The following PLP1 variants were observed in gnomAD, a reference collection of about 807,000 sequenced individuals.
PLP1 encodes proteolipid protein 1, also known as myelin proteolipid protein.
In PLP1, 2 loss-of-function variants were observed where a neutral mutation model predicts 18.5. The ratio of observed to expected loss-of-function variants is 0.11; its 90% confidence interval spans 0.04 to 0.34. The LOEUF is 0.34. PLP1 is among the 10% of genes least tolerant of loss of function. PLP1 has a pLI of 1.00. For missense variants in PLP1, 105 were observed against 207.3 expected (o/e 0.51, Z 3.03); for synonymous variants, 86 against 83.2 (o/e 1.03, Z -0.19).
rs763892975 is a variant in PLP1 at position 103,786,555 on chromosome X, C to T, written c.282C>T (p.Thr94=). 3 of 1,211,484 alleles carry T rather than the reference C, an allele frequency of 2.5e-6. No individual in the cohort carries two copies. The highest frequency in any genetic ancestry group is 2.2e-5 in the Admixed American group (1 of 46,020). Residue 94 remains threonine (T), a synonymous_variant, in exon 3 of 7, where the codon ACC becomes ACT. Transcript: ENST00000621218. Reference sequence around the variant, plus strand: ...TGCTGGCTGAGGGCTTCTACACCACCGGCGCAGTCAGGCAGATCTTTGGCG... The same window carrying T: ...TGCTGGCTGAGGGCTTCTACACCACTGGCGCAGTCAGGCAGATCTTTGGCG... ...ALLLAEGFYT[T]GAVRQIFGDY... is the part of the protein sequence containing the mutation.
At position 103,789,318 on chromosome X, in the gene PLP1, T is replaced by C. The variant is rs1483293127; in HGVS notation, c.697-15T>C. The C allele has an allele frequency of 9.3e-6, 11 of 1,182,897 alleles. No homozygotes were observed. Among genetic ancestry groups the C allele is most frequent in the Non-Finnish European group, 1.2e-5 (10 of 868,743 alleles). On this transcript the variant is annotated splice_polypyrimidine_tract_variant and intron_variant, in intron 5 of 6. Transcript: ENST00000621218. ...TGTTGCAAGAAACAGTTCTTCCTCT[T>C]TCATTTTCCTGCAGTTCCAAATGAC...
At chrX:103,788,951 T>C (rs2074521899) in intron 5 of PLP1, 2 of 300,985 alleles carry the variant, frequency 6.6e-6, no homozygotes, top group Non-Finnish European at 1.2e-5. Context: ...AAGCACTGTA[T>C]TGAGAACAGA....
At chrX:103,787,388 T>A (rs1450112106) in intron 3 of PLP1, 2 of 173,594 alleles carry the variant, frequency 1.2e-5, no homozygotes, top group Non-Finnish European at 2.1e-5. Flanking sequence ...GAAATTTTAA[T>A]CTCCTATTGG....
intron 5 of PLP1, 27 bp from the exon 6 acceptor site, chrX:103,789,306 A>T: frequency 8.9e-6 from 10 of 1,127,151 alleles, no homozygotes; most frequent in Non-Finnish European, 1.2e-5. Context: ...TGCAAGAAAC[A>T]GTTCTTCCTC....
upstream of PLP1, chrX:103,776,747 A>G: frequency 2.8e-6 from 1 of 356,091 alleles, no homozygotes; most frequent in Non-Finnish European, 4.7e-6. Flanking sequence ...AGTATCCCTG[A>G]GTAGGTGGGG....
chrX:103,785,820 C>A lies in PLP1; in HGVS notation c.191+52C>A, dbSNP rs374956670. On this transcript the variant is annotated intron_variant, in intron 2 of 6. Transcript: ENST00000621218. ...CCATCTTTTTTTTCCCTCTCTCCAT[C>A]CTGGAGATAGAGAACTCTTCAGTAC... The A allele has an allele frequency of 2.1e-5, 22 of 1,047,102 alleles. No individual in the cohort carries two copies. The African/African-American group carries it at 3.0e-4, about 14-fold the overall frequency. The allele number at this position is 1,047,102 out of a possible 1,213,427, so 86.3% of individuals were successfully genotyped here.
chrX:103,783,655 T>G (rs918845086), intron 1 of PLP1, among the ~76,000 whole-genome samples: 3 of 112,054 alleles, frequency 2.7e-5, no homozygotes, highest in Non-Finnish European at 5.6e-5. Context: ...TGTAAATCAC[T>G]AGGTATTCAT....
intron 1 of PLP1, among the ~76,000 whole-genome samples, chrX:103,782,693 A>G (rs1347257713): frequency 1.8e-5 from 2 of 112,228 alleles, no homozygotes; most frequent in Admixed American, 1.9e-4. Context: ...AAATGCTGGG[A>G]TGAGTGAGTA....
chrX:103,788,128 G>T (rs1013413736), intron 4 of PLP1, among the ~76,000 whole-genome samples, 162 bp downstream of exon 4: 11 of 112,026 alleles, frequency 9.8e-5, no homozygotes, highest in African/African-American at 3.2e-4. Flanking sequence ...AACCAGAGAG[G>T]TTTCTTCCCC....
rs762333078 is a variant in PLP1, at chrX:103,786,781, C to T, written c.453+55C>T. 1.3e-5 allele frequency: 15 copies of T among 1,160,925 alleles called. No homozygotes were observed. Among genetic ancestry groups the T allele is most frequent in the Admixed American group, 8.8e-5 (4 of 45,663 alleles). ...ACAAGGGGTGGGGGAAAATTGGGCG[C>T]GAGTCTGTGGCCTCGTCCCCACCCA... On this transcript the variant is annotated intron_variant, in intron 3 of 6. Transcript: ENST00000621218.
At chrX:103,779,649 G>A (rs2074436517) in intron 1 of PLP1, among the ~76,000 whole-genome samples, 1 of 111,831 alleles carries the variant, frequency 8.9e-6, no homozygotes. Context: ...GGGGGCCTTG[G>A]GCTTGGCTCT....
chrX:103,784,637 C>T (rs939464981), intron 1 of PLP1, among the ~76,000 whole-genome samples: 4 of 112,045 alleles, frequency 3.6e-5, no homozygotes, highest in South Asian at 3.7e-4. Context: ...AAGTTTCCTC[C>T]ACCTGGAATG....
intron 1 of PLP1, among the ~76,000 whole-genome samples, chrX:103,782,174 C>G (rs1851436099): frequency 8.9e-6 from 1 of 112,154 alleles, no homozygotes; most frequent in Admixed American, 9.5e-5. Flanking sequence ...CTTAAATGCC[C>G]CCAAAGCAAA....
At chrX:103,788,937 G>T (rs751025993) in intron 5 of PLP1, 55 of 276,377 alleles carry the variant, frequency 2.0e-4, no homozygotes, top group Non-Finnish European at 3.1e-4. Context: ...ACATTTGAAA[G>T]GGAAAGCACT....
At chrX:103,784,591 C>T (rs950980311) in intron 1 of PLP1, among the ~76,000 whole-genome samples, 2 of 112,098 alleles carry the variant, frequency 1.8e-5, no homozygotes, top group East Asian at 5.6e-4. Flanking sequence ...CAAATACACA[C>T]GATGCTCAAA....
chrX:103,788,779 TA>T (rs1393313051), intron 5 of PLP1: 1 of 370,437 alleles, frequency 2.7e-6, no homozygotes, highest in Non-Finnish European at 4.7e-6. Flanking sequence ...AGATAGAGCC[TA>T]ATGGCAAAAT....
rs927418857 is a variant in PLP1, at chrX:103,786,190, G to A, written c.192-275G>A. 25 of 1,126,753 alleles carry A rather than the reference G, an allele frequency of 2.2e-5. No individual in the cohort carries two copies. In the African/African-American group the frequency reaches 2.9e-4, roughly 13 times the overall value. 92.9% of individuals were successfully genotyped at this position (1,126,753 alleles called of 1,213,427 possible). A position where few individuals can be genotyped will look rare whatever the true frequency, so the allele number is the denominator to read the frequency against. ...CTCCTGTGAGTTAGCATGTCTGAAG[G>A]GTGGGGCAGGGAGAGTAGGTCCCTG... On this transcript the variant is annotated intron_variant, in intron 2 of 6. Coordinates refer to ENST00000621218, the MANE Select transcript of PLP1 (RefSeq NM_000533.5).
At chrX:103,786,212 C>T (rs1204677673) in intron 2 of PLP1, 1 of 1,138,728 alleles carries the variant, frequency 8.8e-7, no homozygotes, top group Admixed American at 2.6e-5. Flanking sequence ...AGAGTAGGTC[C>T]CTGGTTCTCC....
chrX:103,779,496 G>A (rs2074435424), intron 1 of PLP1, among the ~76,000 whole-genome samples: 1 of 112,148 alleles, frequency 8.9e-6, no homozygotes, highest in Non-Finnish European at 1.9e-5. Flanking sequence ...CCAGATCCCA[G>A]CCAGCATGTT....
Sources: gnomAD v4.1 joint callset for allele counts (sites outside exome capture counted in the v4.1 genomes callset) on GRCh38, gnomAD v4.1.1 for gene constraint, MANE v1.5 for transcripts, NCBI Gene and HGNC (gene_info 2026-07-23, HGNC 2026-07-21) for gene names.